The following SNX29 variants were observed in gnomAD, a reference collection of about 807,000 sequenced individuals.
SNX29 encodes sorting nexin-29.
SNX29 carries 78 observed loss-of-function variants against 102.1 expected under a neutral mutation model. The observed-to-expected ratio is 0.76, with a 90% CI of 0.64 to 0.92. The LOEUF is 0.92. SNX29 is among the 40% of genes least tolerant of loss of function. The pLI, the probability that SNX29 is intolerant of heterozygous loss-of-function variation, is 0.00. For missense variants in SNX29, 1,280 were observed against 1,061.7 expected, an observed-to-expected ratio of 1.21 and a Z score of -2.86; for synonymous variants, 580 against 414.5, an observed-to-expected ratio of 1.40 and a Z score of -4.85.
chr16:12,148,248 T>C (rs2055149474), intron 13 of SNX29, among the ~76,000 whole-genome samples: 2 of 152,188 alleles, frequency 1.3e-5, no homozygotes, highest in African/African-American at 2.4e-5. Context: ...ATGCCACCCA[T>C]GGAGCTACAA....
intron 19 of SNX29, among the ~76,000 whole-genome samples, chr16:12,506,154 T>G (rs1044232759): frequency 1.3e-5 from 2 of 152,106 alleles, no homozygotes; most frequent in African/African-American, 4.8e-5. Flanking sequence ...AGAGACGGAG[T>G]TTCACCATGT....
At chr16:12,196,657 T>C (rs2076783538) in intron 13 of SNX29, among the ~76,000 whole-genome samples, 1 of 146,192 alleles carries the variant, frequency 6.8e-6, no homozygotes, top group South Asian at 2.2e-4. Context: ...AGTCTCACTC[T>C]GTTGCGAGGC....
Position 12,356,220 on chromosome 16 carries a change from G to A in SNX29, c.1840G>A (p.Val614Ile), listed in dbSNP as rs1309669573. Reference protein sequence around the residue: ...EFNERLHRALVAKEALVSQMR... With the variant: ...EFNERLHRALIAKEALVSQMR... ...CAACGAGCGCCTGCACAGGGCCCTG[G>A]TAGCCAAGGAAGCCCTCGTGTCCCA... Residue 614 changes from valine (V) to isoleucine (I), a missense_variant, in exon 16 of 21, where the codon GTA (valine) becomes ATA (isoleucine). Coordinates refer to ENST00000566228, the MANE Select transcript of SNX29 (RefSeq NM_032167.5). 2 of 1,613,408 alleles carry A rather than the reference G, an allele frequency of 1.2e-6. No homozygotes were observed. The highest frequency in any genetic ancestry group is 1.7e-6 in the Non-Finnish European group (2 of 1,179,736).
intron 15 of SNX29, among the ~76,000 whole-genome samples, chr16:12,308,406 A>G (rs1435289570): frequency 6.6e-6 from 1 of 152,220 alleles, no homozygotes; most frequent in Non-Finnish European, 1.5e-5. Context: ...TCCCTTCTGC[A>G]GGGATCAACC....
intron 15 of SNX29, among the ~76,000 whole-genome samples, chr16:12,300,058 G>C (rs2080115504): frequency 6.6e-6 from 1 of 152,120 alleles, no homozygotes; most frequent in Non-Finnish European, 1.5e-5. Context: ...TTTTAGTAGA[G>C]ACAGGGCTGC....
chr16:12,180,977 G>C (rs772472319), intron 13 of SNX29, among the ~76,000 whole-genome samples: 1 of 152,134 alleles, frequency 6.6e-6, no homozygotes, highest in Non-Finnish European at 1.5e-5. Flanking sequence ...TCTCGCTCCT[G>C]CTAAACTGTG....
intron 20 of SNX29, among the ~76,000 whole-genome samples, chr16:12,567,738 T>C (rs1031830019): frequency 6.6e-6 from 1 of 152,154 alleles, no homozygotes; most frequent in Non-Finnish European, 1.5e-5. Context: ...CTGTAAAACC[T>C]GGGCAAGAGT....
rs368482101 is a variant in SNX29, at chr16:12,129,750, G to T, written c.1587G>T (p.Ala529=). 52 of 1,606,698 alleles carry T rather than the reference G, an allele frequency of 3.2e-5. No individual in the cohort carries two copies. The African/African-American group carries it at 6.3e-4, about 19-fold the overall frequency. ...AGCGGCAGGGCATGAAGGTCCAGGC[G>T]CTGGCCAGGTAGGAGAGGGTGAGGG... The part of the protein sequence containing the change: ...QEERQGMKVQ[A]LARENEVLKV... The change falls in exon 13 of 21, where the codon GCG becomes GCT. Residue 529 remains alanine (A), a synonymous_variant. Coordinates refer to ENST00000566228, the MANE Select transcript of SNX29 (RefSeq NM_032167.5).
At chr16:12,337,411 G>A (rs748210424) in intron 15 of SNX29, among the ~76,000 whole-genome samples, 3 of 151,992 alleles carry the variant, frequency 2.0e-5, no homozygotes, top group Non-Finnish European at 4.4e-5. Flanking sequence ...GTGCGATCTC[G>A]GTTCACCACA....
At chr16:12,555,397 G>C (rs555038357) in intron 20 of SNX29, among the ~76,000 whole-genome samples, 2 of 150,066 alleles carry the variant, frequency 1.3e-5, no homozygotes, top group Admixed American at 6.6e-5. Flanking sequence ...CTGCGTGTCT[G>C]CTGGGCTGCT....
intron 9 of SNX29, among the ~76,000 whole-genome samples, chr16:12,066,885 C>A (rs986784455): frequency 4.0e-5 from 6 of 151,744 alleles, no homozygotes; most frequent in South Asian, 4.2e-4. Flanking sequence ...GTTTTACATG[C>A]GTTAAGATGT....
At chr16:12,312,129 G>C (rs1428250947) in intron 15 of SNX29, among the ~76,000 whole-genome samples, 1 of 152,188 alleles carries the variant, frequency 6.6e-6, no homozygotes, top group Non-Finnish European at 1.5e-5. Context: ...TTGCAGCCTT[G>C]TGTCCAGCTA....
chr16:12,409,113 T>G (rs1050703195), intron 18 of SNX29, among the ~76,000 whole-genome samples: 10 of 152,206 alleles, frequency 6.6e-5, no homozygotes, highest in African/African-American at 2.2e-4. Flanking sequence ...TGATTTTAAG[T>G]TTTTCATCCG....
intron 20 of SNX29, among the ~76,000 whole-genome samples, chr16:12,532,226 G>C (rs1316475922): frequency 6.6e-6 from 1 of 152,214 alleles, no homozygotes. Flanking sequence ...TATGTAAATT[G>C]TGTACTTTCT....
At chr16:12,434,086 G>C (rs1039305216) in intron 18 of SNX29, among the ~76,000 whole-genome samples, 2 of 152,150 alleles carry the variant, frequency 1.3e-5, no homozygotes, top group Admixed American at 6.5e-5. Flanking sequence ...TTTACTGGGT[G>C]GTGTTTATTT....
chr16:12,563,571 T>G lies in SNX29; in HGVS notation c.2319-4935T>G, dbSNP rs77042175. ...ACCTGAGGGGTCTACCCCACCCCTT[T>G]GGGTGGTGGCTTAGGCCTCCATGTC... is the stretch of plus-strand genomic sequence containing the variant. On this transcript the variant is annotated intron_variant, in intron 20 of 20. Transcript: ENST00000566228. Among the ~76,000 whole-genome samples, 752 of 151,718 alleles carry G rather than the reference T, an allele frequency of 5.0e-3. 35 individuals carry two copies. The South Asian group carries it at 0.069, about 14-fold the overall frequency.
rs144578194 is a variant in SNX29 at position 12,152,392 on chromosome 16, T to G, written c.1595+22634T>G. 2.5e-3 allele frequency among the ~76,000 whole-genome samples: 380 copies of G among 152,302 alleles called. 1 individual carries two copies. The highest frequency in any genetic ancestry group is 3.9e-3 in the Admixed American group (60 of 15,286). On this transcript the variant is annotated intron_variant, in intron 13 of 20. Transcript: ENST00000566228. The stretch of plus-strand genomic sequence containing the variant: ...ATTGGGAAGATGGGACACCTGCAGA[T>G]GGTCATTTCAAGGTTTGGCCTCAGA...
chr16:12,196,939 G>A (rs1332825060), intron 13 of SNX29, among the ~76,000 whole-genome samples: 1 of 152,062 alleles, frequency 6.6e-6, no homozygotes, highest in African/African-American at 2.4e-5. Context: ...TTTTTAGGTG[G>A]AATCTTAACA....
chr16:12,202,860 A>T (rs1006139589), intron 14 of SNX29, among the ~76,000 whole-genome samples: 4 of 152,392 alleles, frequency 2.6e-5, no homozygotes, highest in African/African-American at 9.6e-5. Flanking sequence ...GAGCAGGTGC[A>T]TCACTTCAAC....
Sources: allele counts gnomAD v4.1 joint callset (sites outside exome capture counted in the v4.1 genomes callset), GRCh38; gene constraint gnomAD v4.1.1; transcripts MANE v1.5; gene names NCBI Gene and HGNC (gene_info 2026-07-23, HGNC 2026-07-21).